Variants in PRR18 observed in about 807,000 individuals in gnomAD.
The protein encoded by PRR18 is proline rich 18, also known as proline-rich protein 18.
For missense variants in PRR18, 517 were observed against 437.4 expected, an observed-to-expected ratio of 1.18 and a Z score of -1.62; for synonymous variants, 228 against 220.2, an observed-to-expected ratio of 1.04 and a Z score of -0.32.
Position 166,307,370 on chromosome 6 carries a change from AC to A in PRR18, c.772del (p.Val258TrpfsTer35), listed in dbSNP as rs1778114151. On this transcript the variant is annotated frameshift_variant, in exon 1 of 1. Coordinates refer to ENST00000322583, the MANE Select transcript of PRR18 (RefSeq NM_175922.4). LOFTEE classifies it low-confidence loss of function (END_TRUNC). Reference protein sequence around the residue: ...DVEYEEEPEAVDEGLVRKCTE... With the variant: ...DVEYEEEPEAXDEGLVRKCTE... Reference sequence around the variant, plus strand: ...GCACTTGCGTACCAGGCCCTCGTCCACCGCCTCTGGCTCCTCCTCGTACTCC... The same window carrying A: ...GCACTTGCGTACCAGGCCCTCGTCCACGCCTCTGGCTCCTCCTCGTACTCC... 1 of 1,579,154 alleles carries A rather than the reference AC, an allele frequency of 6.3e-7. No individual in the cohort carries two copies. The highest frequency in any genetic ancestry group is 1.4e-5 in the African/African-American group (1 of 71,984).
rs373872044 is a variant in PRR18 at position 166,307,478 on chromosome 6, G to C, written c.665C>G (p.Pro222Arg). The change falls in exon 1 of 1, where the codon CCC (proline) becomes CGC (arginine). Residue 222 changes from proline to arginine, a missense_variant. Pro to Arg is a moderately radical substitution (Grantham distance 103, BLOSUM62 -2). Coordinates refer to ENST00000322583, the MANE Select transcript of PRR18 (RefSeq NM_175922.4). ...GGCCCCGGGCCGCGGGCTGAGCTGG[G>C]GAACCTGCAGGCCGCCGTGCAGCAG... is the stretch of plus-strand genomic sequence containing the variant. Reference protein sequence around the residue: ...AQLLHGGLQVPQLSPRPGALR... With the variant: ...AQLLHGGLQVRQLSPRPGALR... 6.8e-7 allele frequency: 1 copy of C among 1,467,542 alleles called. No individual in the cohort carries two copies. Among genetic ancestry groups the C allele is most frequent in the African/African-American group, 1.5e-5 (1 of 68,904 alleles). The allele number at this position is 1,467,542 out of a possible 1,614,324, so 90.9% of individuals were successfully genotyped here. A position where few individuals can be genotyped will look rare whatever the true frequency, so the allele number is the denominator to read the frequency against.
chr6:166,307,758 G>A lies in PRR18; in HGVS notation c.385C>T (p.Pro129Ser). ...AGTSSGAGPC[P>S]DSAARFCLNL... ...AGGCAGAAGCGCGCAGCGGAGTCTGGACAAGGCCCCGCCCCCGAGGAGGTG... is the reference window on the plus strand; with the variant it reads ...AGGCAGAAGCGCGCAGCGGAGTCTGAACAAGGCCCCGCCCCCGAGGAGGTG... The change falls in exon 1 of 1, where the codon CCA (proline) becomes TCA (serine). Residue 129 changes from proline (P) to serine (S), a missense_variant. Physicochemically the swap from Pro to Ser is moderately conservative, Grantham distance 74. Transcript: ENST00000322583. The A allele has an allele frequency of 6.6e-7, 1 of 1,504,302 alleles. No individual in the cohort carries two copies. Among genetic ancestry groups the A allele is most frequent in the Non-Finnish European group, 8.9e-7 (1 of 1,121,916 alleles). The allele number at this position is 1,504,302 out of a possible 1,614,324, so 93.2% of individuals were successfully genotyped here. A position where few individuals can be genotyped will look rare whatever the true frequency, so the allele number is the denominator to read the frequency against.
chr6:166,307,365 C>A lies in PRR18; in HGVS notation c.778G>T (p.Glu260Ter). The A allele has an allele frequency of 6.3e-7, 1 of 1,579,138 alleles. No individual in the cohort carries two copies. Among genetic ancestry groups the A allele is most frequent in the African/African-American group, 1.4e-5 (1 of 72,220 alleles). The change falls in exon 1 of 1, where the codon GAG becomes TAG. Residue 260 changes from glutamate (E) to a stop codon, truncating the protein, a stop_gained. Transcript: ENST00000322583. LOFTEE classifies it low-confidence loss of function (END_TRUNC). ...TCCGTGCACTTGCGTACCAGGCCCT[C>A]GTCCACCGCCTCTGGCTCCTCCTCG... ...EYEEEPEAVD[E>*]GLVRKCTEWL...
rs1778137609 is a variant in PRR18 at position 166,308,039 on chromosome 6, CTCT to C, written c.101_103del (p.Lys34del). 3.2e-6 allele frequency: 4 copies of C among 1,240,030 alleles called. No individual in the cohort carries two copies. The highest frequency in any genetic ancestry group is 4.1e-6 in the Non-Finnish European group (4 of 985,562). The allele number at this position is 1,240,030 out of a possible 1,614,324, so 76.8% of individuals were successfully genotyped here. On this transcript the variant is annotated inframe_deletion, in exon 1 of 1. Transcript: ENST00000322583. Reference sequence around the variant, plus strand: ...GAGCCCCTCGGGCCGCTGTGGGGGCCTCTTCTTCTTGTCCCCCGCGGCGCAGGG... The same window carrying C: ...GAGCCCCTCGGGCCGCTGTGGGGGCCTCTTCTTGTCCCCCGCGGCGCAGGG...
rs1307508635 is a variant in PRR18, at chr6:166,307,892, G to C, written c.251C>G (p.Ala84Gly). ...GVSPQALPSR[A>G]RAPATCAPPR... is the part of the protein sequence containing the mutation. ...CGGGGCGCACGTGGCTGGGGCCCGCGCGCGGCTGGGCAAGGCCTGGGGGGA... is the reference window on the plus strand; with the variant it reads ...CGGGGCGCACGTGGCTGGGGCCCGCCCGCGGCTGGGCAAGGCCTGGGGGGA... Residue 84 changes from alanine (A) to glycine (G), a missense_variant, in exon 1 of 1, where the codon GCG becomes GGG. Transcript: ENST00000322583. 2.1e-5 allele frequency: 26 copies of C among 1,235,046 alleles called. No homozygotes were observed. Among genetic ancestry groups the C allele is most frequent in the Non-Finnish European group, 2.6e-5 (26 of 989,768 alleles). 76.5% of individuals were successfully genotyped at this position (1,235,046 alleles called of 1,614,324 possible).
chr6:166,307,295 G>T lies in PRR18; in HGVS notation c.848C>A (p.Ala283Glu). The change falls in exon 1 of 1, where the codon GCG becomes GAG. Residue 283 changes from alanine to glutamate, a missense_variant. By Grantham distance (107) the Ala-to-Glu change is moderately radical (BLOSUM62 -1). Transcript: ENST00000322583. ...VESAAAARGR[A>E]GALDSRRHLS... ...GTGCCGCCGTGAGTCCAGGGCCCCC[G>T]CCCGGCCCCGCGCGGCAGCCGCGGA... 1 of 1,530,160 alleles carries T rather than the reference G, an allele frequency of 6.5e-7. No homozygotes were observed. The allele number at this position is 1,530,160 out of a possible 1,614,324, so 94.8% of individuals were successfully genotyped here.
In PRR18 at chr6:166,307,106, A is replaced by T; in HGVS notation, c.*149T>A. 1.2e-6 allele frequency: 1 copy of T among 824,668 alleles called. No homozygotes were observed. Among genetic ancestry groups the T allele is most frequent in the Non-Finnish European group, 1.7e-6 (1 of 591,104 alleles). The allele number at this position is 824,668 out of a possible 1,614,324, so 51.1% of individuals were successfully genotyped here. A position where few individuals can be genotyped will look rare whatever the true frequency, so the allele number is the denominator to read the frequency against. ...CGTCGGGCGAGTCTGGCTGCGCCCC[A>T]CGTGGGCCAGCTTGCGCACTGGTGT... On this transcript the variant is annotated 3_prime_UTR_variant, in exon 1 of 1. Coordinates refer to ENST00000322583, the MANE Select transcript of PRR18 (RefSeq NM_175922.4).
rs1051147757 is a variant in PRR18 at position 166,308,070 on chromosome 6, T to G, written c.73A>C (p.Arg25=). The G allele has an allele frequency of 1.1e-5, 13 of 1,236,792 alleles. No individual in the cohort carries two copies. In the Admixed American group the frequency reaches 3.4e-4, roughly 32 times the overall value. The allele number at this position is 1,236,792 out of a possible 1,614,324, so 76.6% of individuals were successfully genotyped here. ...TTCTTGTCCCCCGCGGCGCAGGGCC[T>G]CCGGGGTAACTGGCGCGCGGCTTGG... ...GAQAARQLPR[R]PCAAGDKKKR... Residue 25 remains arginine, a synonymous_variant, in exon 1 of 1, where the codon AGG becomes CGG. Coordinates refer to ENST00000322583, the MANE Select transcript of PRR18 (RefSeq NM_175922.4).
At position 166,307,354 on chromosome 6, in the gene PRR18, T is replaced by C; in HGVS notation, c.789A>G (p.Val263=). The C allele has an allele frequency of 6.3e-7, 1 of 1,579,454 alleles. No homozygotes were observed. Among genetic ancestry groups the C allele is most frequent in the Middle Eastern group, 1.7e-4 (1 of 5,920 alleles). Residue 263 remains valine (V), a synonymous_variant, in exon 1 of 1, where the codon GTA becomes GTG. Transcript: ENST00000322583. The stretch of plus-strand genomic sequence containing the variant: ...CGCGCAGCCACTCCGTGCACTTGCG[T>C]ACCAGGCCCTCGTCCACCGCCTCTG... ...EEPEAVDEGL[V]RKCTEWLRGV...
Position 166,306,421 on chromosome 6 carries a change from C to T in PRR18, c.*834G>A, listed in dbSNP as rs1192606773. 1 of 152,222 alleles carries T rather than the reference C, an allele frequency of 6.6e-6. No individual in the cohort carries two copies. Among genetic ancestry groups the T allele is most frequent in the African/African-American group, 2.4e-5 (1 of 41,448 alleles). 9.4% of individuals were successfully genotyped at this position (152,222 alleles called of 1,614,324 possible). ...TATAACATTTTATTTCCTTCTCATC[C>T]TTCTAGTTAGATATTCTCAGATACA... On this transcript the variant is annotated 3_prime_UTR_variant, in exon 1 of 1. Transcript: ENST00000322583.
Position 166,307,337 on chromosome 6 carries a change from C to A in PRR18, c.806G>T (p.Trp269Leu). 1.3e-6 allele frequency: 2 copies of A among 1,571,378 alleles called. No individual in the cohort carries two copies. The highest frequency in any genetic ancestry group is 2.4e-5 in the East Asian group (1 of 41,798). Residue 269 changes from tryptophan to leucine, a missense_variant, in exon 1 of 1, where the codon TGG (tryptophan) becomes TTG (leucine). Transcript: ENST00000322583. Reference sequence around the variant, plus strand: ...AGCCGCGGACTCCACGCCGCGCAGCCACTCCGTGCACTTGCGTACCAGGCC... The same window carrying A: ...AGCCGCGGACTCCACGCCGCGCAGCAACTCCGTGCACTTGCGTACCAGGCC... ...DEGLVRKCTE[W>L]LRGVESAAAA...
Position 166,307,239 on chromosome 6 carries a change from C to G in PRR18, c.*16G>C. 1 of 1,447,610 alleles carries G rather than the reference C, an allele frequency of 6.9e-7. No individual in the cohort carries two copies. Among genetic ancestry groups the G allele is most frequent in the Non-Finnish European group, 9.0e-7 (1 of 1,110,896 alleles). The allele number at this position is 1,447,610 out of a possible 1,614,324, so 89.7% of individuals were successfully genotyped here. ...GGTGGGATCAGGCCTGGCCTGTCCC[C>G]GCAGGCCCGCTGGGCTCACAGCGTG... On this transcript the variant is annotated 3_prime_UTR_variant, in exon 1 of 1. Transcript: ENST00000322583.
Position 166,307,872 on chromosome 6 carries a change from C to T in PRR18, c.271G>A (p.Ala91Thr). 8.0e-7 allele frequency: 1 copy of T among 1,250,534 alleles called. No individual in the cohort carries two copies. The highest frequency in any genetic ancestry group is 1.0e-6 in the Non-Finnish European group (1 of 998,560). 77.5% of individuals were successfully genotyped at this position (1,250,534 alleles called of 1,614,324 possible). The change falls in exon 1 of 1, where the codon GCC becomes ACC. Residue 91 changes from alanine to threonine, a missense_variant. Physicochemically the swap from Ala to Thr is moderately conservative, Grantham distance 58. Transcript: ENST00000322583. The part of the protein sequence containing the change: ...PSRARAPATC[A>T]PPRPAGSGHS... ...CCGGAGCCTGCCGGCCGGGGCGGGG[C>T]GCACGTGGCTGGGGCCCGCGCGCGG...
Position 166,306,953 on chromosome 6 carries a change from A to G in PRR18, c.*302T>C, listed in dbSNP as rs917363688. ...AGTTGCTTAATTCCCCACGAACTGC[A>G]TGGATGCTCGGCGATGCCAAGAGGA... On this transcript the variant is annotated 3_prime_UTR_variant, in exon 1 of 1. Coordinates refer to ENST00000322583, the MANE Select transcript of PRR18 (RefSeq NM_175922.4). 21 of 355,780 alleles carry G rather than the reference A, an allele frequency of 5.9e-5. No individual in the cohort carries two copies. The highest frequency in any genetic ancestry group is 4.5e-5 in the Non-Finnish European group (9 of 198,266). The allele number at this position is 355,780 out of a possible 1,614,324, so 22.0% of individuals were successfully genotyped here.
At position 166,308,248 on chromosome 6, in the gene PRR18, C is replaced by A. The variant is rs1778143690; in HGVS notation, c.-106G>T. 3 of 1,109,368 alleles carry A rather than the reference C, an allele frequency of 2.7e-6. No homozygotes were observed. Among genetic ancestry groups the A allele is most frequent in the East Asian group, 3.3e-5 (1 of 30,602 alleles). 68.7% of individuals were successfully genotyped at this position (1,109,368 alleles called of 1,614,324 possible). On this transcript the variant is annotated 5_prime_UTR_variant, in exon 1 of 1. Coordinates refer to ENST00000322583, the MANE Select transcript of PRR18 (RefSeq NM_175922.4). Reference sequence around the variant, plus strand: ...AGTCCGGGCGGCCCCTCCACACCCACCTGCGTCCAGCCGCGGCCTCTCCGG... The same window carrying A: ...AGTCCGGGCGGCCCCTCCACACCCAACTGCGTCCAGCCGCGGCCTCTCCGG...
In PRR18 at chr6:166,306,224, C is replaced by T. The variant is rs1037130498; in HGVS notation, c.*1031G>A. The T allele has an allele frequency of 6.6e-6, 1 of 151,938 alleles. No individual in the cohort carries two copies. The highest frequency in any genetic ancestry group is 1.5e-5 in the Non-Finnish European group (1 of 67,984). 9.4% of individuals were successfully genotyped at this position (151,938 alleles called of 1,614,324 possible). A position where few individuals can be genotyped will look rare whatever the true frequency, so the allele number is the denominator to read the frequency against. On this transcript the variant is annotated 3_prime_UTR_variant, in exon 1 of 1. Coordinates refer to ENST00000322583, the MANE Select transcript of PRR18 (RefSeq NM_175922.4). ...TGTGTTATTAGAGCAAAGACCTCCA[C>T]AAGAAAAATACAAAATCTGTTTTAA...
rs1050448636 is a variant in PRR18, at chr6:166,306,988, G to T, written c.*267C>A. 31 of 387,214 alleles carry T rather than the reference G, an allele frequency of 8.0e-5. 1 individual carries two copies. In the African/African-American group the frequency reaches 8.1e-4, roughly 10 times the overall value. The allele number at this position is 387,214 out of a possible 1,614,324, so 24.0% of individuals were successfully genotyped here. A position where few individuals can be genotyped will look rare whatever the true frequency, so the allele number is the denominator to read the frequency against. ...GGCGATGCCAAGAGGAGGCCAGAGT[G>T]GGGGCAGAGGCAGGCATCTGGGGTA... On this transcript the variant is annotated 3_prime_UTR_variant, in exon 1 of 1. Coordinates refer to ENST00000322583, the MANE Select transcript of PRR18 (RefSeq NM_175922.4).
rs1778124183 is a variant in PRR18, at chr6:166,307,649, G to A, written c.494C>T (p.Pro165Leu). 8.9e-6 allele frequency: 13 copies of A among 1,456,824 alleles called. No homozygotes were observed. Among genetic ancestry groups the A allele is most frequent in the Non-Finnish European group, 1.2e-5 (13 of 1,097,172 alleles). The allele number at this position is 1,456,824 out of a possible 1,614,324, so 90.2% of individuals were successfully genotyped here. Residue 165 changes from proline (P) to leucine (L), a missense_variant, in exon 1 of 1, where the codon CCC (proline) becomes CTC (leucine). Physicochemically the swap from Pro to Leu is moderately conservative, Grantham distance 98. Transcript: ENST00000322583. ...GCGCCTGGGTTCGGCCGAGGGTGAG[G>A]GGAAGGGCCTGCGGGGCCGCGCCAG... is the stretch of plus-strand genomic sequence containing the variant. ...QLLARPRRPF[P>L]SPSAEPRRLL... is the part of the protein sequence containing the mutation.
chr6:166,307,331 C>G lies in PRR18; in HGVS notation c.812G>C (p.Arg271Pro). 1.9e-6 allele frequency: 3 copies of G among 1,565,948 alleles called. No homozygotes were observed. Among genetic ancestry groups the G allele is most frequent in the Non-Finnish European group, 1.7e-6 (2 of 1,164,948 alleles). ...GLVRKCTEWLRGVESAAAARG... is the reference protein window; with the variant it reads ...GLVRKCTEWLPGVESAAAARG... ...CGCGGCAGCCGCGGACTCCACGCCG[C>G]GCAGCCACTCCGTGCACTTGCGTAC... The change falls in exon 1 of 1, where the codon CGC becomes CCC. Residue 271 changes from arginine (R) to proline (P), a missense_variant. By Grantham distance (103) the Arg-to-Pro change is moderately radical. Transcript: ENST00000322583.
Sources: gnomAD v4.1 joint callset for allele counts on GRCh38, gnomAD v4.1.1 for gene constraint, MANE v1.5 for transcripts, NCBI Gene and HGNC (gene_info 2026-07-23, HGNC 2026-07-21) for gene names.